Variants in ABCA12 observed in about 807,000 individuals in gnomAD.
The protein encoded by ABCA12 is ATP binding cassette subfamily A member 12.
ABCA12 carries 156 observed loss-of-function variants against 293.5 expected under a neutral mutation model. The observed-to-expected ratio is 0.53, with a 90% CI of 0.47 to 0.61. The LOEUF (loss-of-function observed/expected upper bound fraction) is 0.61. ABCA12 is among the 20% of genes least tolerant of loss of function. ABCA12 has a pLI of 0.00. For missense variants in ABCA12, 2,797 were observed against 3,090.2 expected (o/e 0.91, Z 2.25); for synonymous variants, 1,063 against 1,108.0 (o/e 0.96, Z 0.81).
intron 8 of ABCA12, chr2:215,032,211 T>C: frequency 1.3e-6 from 1 of 757,992 alleles, no homozygotes; most frequent in South Asian, 2.4e-5. Context: ...GACTGCTAAG[T>C]ACTATAATGA....
chr2:215,054,320 T>C (rs1433021421), intron 4 of ABCA12, among the ~76,000 whole-genome samples: 1 of 152,098 alleles, frequency 6.6e-6, no homozygotes, highest in Non-Finnish European at 1.5e-5. Flanking sequence ...TTCTGGGAAA[T>C]GGTGCAATTC....
intron 11 of ABCA12, among the ~76,000 whole-genome samples, chr2:215,024,136 G>C (rs553719082): frequency 1.6e-4 from 24 of 152,204 alleles, no homozygotes; most frequent in African/African-American, 5.5e-4. Flanking sequence ...TCAAAACTCA[G>C]AGAAAGCATT....
chr2:215,032,399 A>C, intron 8 of ABCA12: 1 of 188,042 alleles, frequency 5.3e-6, no homozygotes, highest in Non-Finnish European at 1.1e-5. Flanking sequence ...AATTGAATGC[A>C]GCTGTGAATG....
chr2:215,106,305 T>G (rs1702463342), intron 2 of ABCA12, among the ~76,000 whole-genome samples: 3 of 152,182 alleles, frequency 2.0e-5, no homozygotes, highest in Non-Finnish European at 4.4e-5. Flanking sequence ...TCTCACATTT[T>G]TTTTTTCCCA....
At chr2:215,048,940 G>A (rs1313537073) in intron 6 of ABCA12, among the ~76,000 whole-genome samples, 1 of 152,094 alleles carries the variant, frequency 6.6e-6, no homozygotes, top group Non-Finnish European at 1.5e-5. Flanking sequence ...CTTATAAGTG[G>A]GAGCTACATG....
At chr2:214,973,449 C>T (rs1559123103) in intron 36 of ABCA12, among the ~76,000 whole-genome samples, 3 of 152,150 alleles carry the variant, frequency 2.0e-5, no homozygotes, top group Non-Finnish European at 4.4e-5. Flanking sequence ...AGGTCCGCAT[C>T]AATAGAATAC....
intron 1 of ABCA12, among the ~76,000 whole-genome samples, chr2:215,114,051 T>C (rs1416652959): frequency 6.6e-6 from 1 of 152,222 alleles, no homozygotes; most frequent in Admixed American, 6.5e-5. Flanking sequence ...CTCGGCTCAC[T>C]GCAACCTCCG....
chr2:215,106,225 G>A (rs896100414), intron 2 of ABCA12, among the ~76,000 whole-genome samples: 5 of 152,056 alleles, frequency 3.3e-5, no homozygotes, highest in South Asian at 2.1e-4. Context: ...TTAACAATTC[G>A]GGCGCTGGAG....
At position 215,036,951 on chromosome 2, in the gene ABCA12, A is replaced by C. The variant is rs145908749; in HGVS notation, c.985+2T>G. On this transcript the variant is annotated splice_donor_variant, in intron 8 of 52. Coordinates refer to ENST00000272895, the MANE Select transcript of ABCA12 (RefSeq NM_173076.3). LOFTEE classifies it high-confidence loss of function. ...TAACACAGTAAGATGGAAATATAAT[A>C]CCTTGAGCTGGGGAGTCCAGAGTGT... The C allele has an allele frequency of 6.2e-7, 1 of 1,612,456 alleles. No individual in the cohort carries two copies.
intron 8 of ABCA12, among the ~76,000 whole-genome samples, chr2:215,034,065 A>G (rs1700940509): frequency 6.6e-6 from 1 of 152,238 alleles, no homozygotes; most frequent in Non-Finnish European, 1.5e-5. Context: ...AAGGATTTCT[A>G]TCCTAAATTA....
At chr2:214,974,131 A>T in intron 35 of ABCA12, 89 bp from the exon 36 acceptor site, 1 of 1,166,574 alleles carries the variant, frequency 8.6e-7, no homozygotes, top group Non-Finnish European at 1.3e-6. Flanking sequence ...ATTTGGTATT[A>T]AGTTCATGTG....
chr2:214,932,779 T>G, intron 52 of ABCA12, 38 bp from the exon 53 acceptor site: 1 of 1,441,282 alleles, frequency 6.9e-7, no homozygotes, highest in Non-Finnish European at 9.8e-7. Flanking sequence ...TAATGCCTGG[T>G]AAGCCAAAGG....
chr2:215,063,862 T>C (rs1404173267), intron 3 of ABCA12, among the ~76,000 whole-genome samples: 11 of 151,954 alleles, frequency 7.2e-5, no homozygotes, highest in Admixed American at 7.2e-4. Context: ...TTTGAGACAT[T>C]CACCCAAAGT....
At chr2:215,054,077 T>A (rs1007348169) in intron 4 of ABCA12, among the ~76,000 whole-genome samples, 1 of 152,000 alleles carries the variant, frequency 6.6e-6, no homozygotes, top group African/African-American at 2.4e-5. Context: ...AAGCCTTAAG[T>A]GTGAGGAAGA....
rs767696185 is a variant in ABCA12, at chr2:215,031,475, T to C, written c.1061+346A>G. Among the ~76,000 whole-genome samples, 55 of 152,176 alleles carry C rather than the reference T, an allele frequency of 3.6e-4. 1 individual carries two copies. Among genetic ancestry groups the C allele is most frequent in the Admixed American group, 6.5e-4 (10 of 15,284 alleles). On this transcript the variant is annotated intron_variant, in intron 9 of 52. Coordinates refer to ENST00000272895, the MANE Select transcript of ABCA12 (RefSeq NM_173076.3). ...AGCAGCCTGCACAGAGCAAGACAGATACTTACACACTGTTTGTGGTGAAAG... is the reference window on the plus strand; with the variant it reads ...AGCAGCCTGCACAGAGCAAGACAGACACTTACACACTGTTTGTGGTGAAAG...
chr2:214,939,342 A>G (rs923545137), intron 50 of ABCA12, among the ~76,000 whole-genome samples: 2 of 152,180 alleles, frequency 1.3e-5, no homozygotes, highest in African/African-American at 4.8e-5. Context: ...TGGTACCAGT[A>G]TCATGCTGTT....
intron 44 of ABCA12, 72 bp downstream of exon 44, chr2:214,953,782 T>C (rs1364392918): frequency 1.3e-6 from 2 of 1,568,130 alleles, no homozygotes; most frequent in African/African-American, 2.7e-5. Context: ...GCTTAGACTA[T>C]TGACTTCTTT....
At chr2:215,082,270 C>G (rs1196871858) in intron 2 of ABCA12, among the ~76,000 whole-genome samples, 7 of 151,840 alleles carry the variant, frequency 4.6e-5, no homozygotes, top group African/African-American at 9.7e-5. Flanking sequence ...GTCTCGAACT[C>G]CTGACCTTGT....
chr2:215,107,525 C>T (rs1259827628), intron 2 of ABCA12, among the ~76,000 whole-genome samples: 4 of 152,202 alleles, frequency 2.6e-5, no homozygotes, highest in South Asian at 2.1e-4. Flanking sequence ...GGCTAGTTAC[C>T]TAAGCCATTT....
Sources: gnomAD v4.1 joint callset for allele counts (sites outside exome capture counted in the v4.1 genomes callset) on GRCh38, gnomAD v4.1.1 for gene constraint, MANE v1.5 for transcripts, NCBI Gene and HGNC (gene_info 2026-07-23, HGNC 2026-07-21) for gene names.